Variants in DPYD observed in about 807,000 individuals in gnomAD.
The protein encoded by DPYD is dihydropyrimidine dehydrogenase.
Under a neutral mutation model 116.2 loss-of-function variants are expected in DPYD, and 109 were observed. The ratio of observed to expected loss-of-function variants is 0.94; its 90% CI spans 0.80 to 1.10. DPYD has a LOEUF of 1.10. Among genes scored for constraint, DPYD ranks in the 50% least tolerant of loss-of-function variants. The probability of loss-of-function intolerance (pLI) is 0.00; values close to 1 mark genes in which losing one functional copy is unlikely to be tolerated. For synonymous variants in DPYD, 440 were observed against 432.0 expected (o/e 1.02, Z -0.23); for missense variants, 1,302 against 1,254.5 (o/e 1.04, Z -0.57).
chr1:97,428,170 C>T (rs1420831206), intron 14 of DPYD, among the ~76,000 whole-genome samples: 1 of 151,998 alleles, frequency 6.6e-6, no homozygotes, highest in Non-Finnish European at 1.5e-5. Context: ...CCTTGCCCAA[C>T]CTCTTTGTTT....
intron 2 of DPYD, among the ~76,000 whole-genome samples, chr1:97,869,681 C>A (rs1671563178): frequency 6.6e-6 from 1 of 151,718 alleles, no homozygotes; most frequent in South Asian, 2.1e-4. Context: ...ACAAACCTTG[C>A]TAAAATAGCC....
intron 14 of DPYD, among the ~76,000 whole-genome samples, chr1:97,443,723 T>C (rs537314441): frequency 1.3e-5 from 2 of 152,362 alleles, no homozygotes; most frequent in African/African-American, 4.8e-5. Flanking sequence ...TGACAACAGA[T>C]ATAGTTTCAC....
intron 3 of DPYD, chr1:97,796,801 A>C (rs1033559164): frequency 1.3e-5 from 2 of 152,130 alleles, no homozygotes; most frequent in African/African-American, 4.8e-5. Context: ...TACTGTTATC[A>C]CCTTATATCC....
intron 21 of DPYD, among the ~76,000 whole-genome samples, chr1:97,090,108 T>C (rs1378234976): frequency 6.6e-6 from 1 of 152,126 alleles, no homozygotes; most frequent in Admixed American, 6.5e-5. Flanking sequence ...AAAGAATGAG[T>C]TTACCATTTT....
intron 12 of DPYD, among the ~76,000 whole-genome samples, chr1:97,531,472 C>T (rs1570911725): frequency 6.6e-6 from 1 of 152,120 alleles, no homozygotes; most frequent in Admixed American, 6.5e-5. Context: ...GATATAAGCT[C>T]TCTATTGTTC....
intron 8 of DPYD, among the ~76,000 whole-genome samples, chr1:97,658,752 C>T (rs13376404): frequency 0.011 from 1,692 of 152,170 alleles, 20 homozygotes; most frequent in Middle Eastern, 0.024. Flanking sequence ...CATCACTTTT[C>T]GTATTCAGTA....
intron 20 of DPYD, among the ~76,000 whole-genome samples, chr1:97,106,721 C>G (rs949616978): frequency 4.6e-5 from 7 of 152,128 alleles, no homozygotes; most frequent in African/African-American, 1.7e-4. Context: ...GGCTGAATTA[C>G]ACTACAAGCT....
intron 2 of DPYD, among the ~76,000 whole-genome samples, chr1:97,841,906 G>T (rs1257721396): frequency 6.6e-6 from 1 of 151,842 alleles, no homozygotes. Context: ...TACTGTATCT[G>T]AAGGGCTTAA....
intron 21 of DPYD, among the ~76,000 whole-genome samples, chr1:97,083,480 A>G (rs989693992): frequency 6.6e-6 from 1 of 152,064 alleles, no homozygotes; most frequent in Non-Finnish European, 1.5e-5. Flanking sequence ...GGAATTTCAA[A>G]CTGAGACAAA....
chr1:97,390,660 G>T (rs1672641085), intron 14 of DPYD, among the ~76,000 whole-genome samples: 1 of 151,756 alleles, frequency 6.6e-6, no homozygotes, highest in South Asian at 2.1e-4. Flanking sequence ...TCATTTTTTG[G>T]TTTATTTTGG....
intron 12 of DPYD, among the ~76,000 whole-genome samples, chr1:97,525,818 C>T (rs1366990833): frequency 3.0e-5 from 4 of 132,092 alleles, no homozygotes; most frequent in Non-Finnish European, 6.3e-5. Flanking sequence ...CCAGTCTCTC[C>T]AAGAGCATCT....
chr1:97,678,837 AT>A (rs1660286624), intron 8 of DPYD, among the ~76,000 whole-genome samples: 1 of 152,114 alleles, frequency 6.6e-6, no homozygotes, highest in African/African-American at 2.4e-5. Flanking sequence ...CTTCCTAGAG[AT>A]TCTCACTGGT....
intron 2 of DPYD, among the ~76,000 whole-genome samples, chr1:97,837,604 G>T (rs1389800060): frequency 6.6e-6 from 1 of 151,868 alleles, no homozygotes; most frequent in Non-Finnish European, 1.5e-5. Flanking sequence ...TCTGTTTCTG[G>T]TTTCTAAAAC....
chr1:97,184,258 T>C (rs1186212200), intron 20 of DPYD, among the ~76,000 whole-genome samples: 1 of 152,142 alleles, frequency 6.6e-6, no homozygotes, highest in East Asian at 1.9e-4. Context: ...GTAGAATGAT[T>C]TATGTTCCTT....
At chr1:97,657,586 C>T (rs1659003801) in intron 8 of DPYD, among the ~76,000 whole-genome samples, 1 of 152,112 alleles carries the variant, frequency 6.6e-6, no homozygotes, top group Non-Finnish European at 1.5e-5. Context: ...GACTAAGCAA[C>T]TGGTTTTATT....
At chr1:97,112,730 C>G (rs1651689986) in intron 20 of DPYD, among the ~76,000 whole-genome samples, 1 of 152,108 alleles carries the variant, frequency 6.6e-6, no homozygotes, top group Non-Finnish European at 1.5e-5. Context: ...TTCTCACTCT[C>G]TAACTAGAAC....
At chr1:97,559,305 G>C (rs1370514998) in intron 11 of DPYD, among the ~76,000 whole-genome samples, 1 of 152,164 alleles carries the variant, frequency 6.6e-6, no homozygotes, top group East Asian at 1.9e-4. Flanking sequence ...TAGGAAACCA[G>C]TAGTAAATTA....
chr1:97,915,280 G>T (rs1373444936), intron 1 of DPYD, among the ~76,000 whole-genome samples: 1 of 152,016 alleles, frequency 6.6e-6, no homozygotes, highest in African/African-American at 2.4e-5. Flanking sequence ...AACCATGAAA[G>T]GAAGCTTGAT....
At chr1:97,293,833 A>G (rs1361543927) in intron 18 of DPYD, among the ~76,000 whole-genome samples, 2 of 151,938 alleles carry the variant, frequency 1.3e-5, no homozygotes, top group Non-Finnish European at 2.9e-5. Context: ...CTGTAATCCC[A>G]GCTACTCGGG....
Sources: gnomAD v4.1 joint callset for allele counts (sites outside exome capture counted in the v4.1 genomes callset) on GRCh38, gnomAD v4.1.1 for gene constraint, MANE v1.5 for transcripts, NCBI Gene and HGNC (gene_info 2026-07-23, HGNC 2026-07-21) for gene names.